SCMH1: variants seen among roughly 807,000 people sequenced by gnomAD.
SCMH1 encodes polycomb protein SCMH1.
Under a neutral mutation model 70.8 loss-of-function variants are expected in SCMH1, and 37 were observed. The ratio of observed to expected loss-of-function variants is 0.52; its 90% CI spans 0.40 to 0.69. The LOEUF is 0.69. SCMH1 is among the 30% of genes least tolerant of loss of function. SCMH1 has a pLI of 0.00. For synonymous variants in SCMH1, 292 were observed against 307.4 expected (o/e 0.95, Z 0.52); for missense variants, 607 against 827.3 (o/e 0.73, Z 3.27).
intron 1 of SCMH1, among the ~76,000 whole-genome samples, chr1:41,207,850 T>C (rs1210076169): frequency 1.5e-4 from 23 of 151,472 alleles, no homozygotes; most frequent in African/African-American, 4.4e-4. Flanking sequence ...AGTTCAACCA[T>C]TGTGGAAGTC....
intron 1 of SCMH1, among the ~76,000 whole-genome samples, chr1:41,219,932 C>CA (rs147480594): frequency 0.026 from 3,156 of 121,102 alleles, 70 homozygotes; most frequent in African/African-American, 0.068. Context: ...CTCCGTCTCA[C>CA]AAAAAAAAAA....
At chr1:41,232,699 T>C (rs1661544140) in intron 1 of SCMH1, among the ~76,000 whole-genome samples, 1 of 152,184 alleles carries the variant, frequency 6.6e-6, no homozygotes, top group Non-Finnish European at 1.5e-5. Flanking sequence ...AAATAACGTG[T>C]TTATACGTTT....
At chr1:41,052,156 T>C (rs1648409329) in intron 10 of SCMH1, among the ~76,000 whole-genome samples, 1 of 152,146 alleles carries the variant, frequency 6.6e-6, no homozygotes, top group South Asian at 2.1e-4. Context: ...GGCTATACCA[T>C]CTAGGTTTGA....
chr1:41,040,856 G>A (rs1408602036), intron 12 of SCMH1, among the ~76,000 whole-genome samples: 5 of 151,858 alleles, frequency 3.3e-5, no homozygotes, highest in Non-Finnish European at 7.4e-5. Context: ...GAGAGTGAAA[G>A]TCTGTCTCAA....
intron 8 of SCMH1, among the ~76,000 whole-genome samples, chr1:41,097,755 A>C (rs539351156): frequency 6.6e-6 from 1 of 152,364 alleles, no homozygotes; most frequent in East Asian, 1.9e-4. Context: ...AACTTATTCT[A>C]ACCCATCATT....
chr1:41,143,931 T>G (rs1644327635), intron 5 of SCMH1, among the ~76,000 whole-genome samples: 2 of 152,370 alleles, frequency 1.3e-5, no homozygotes, highest in South Asian at 4.1e-4. Flanking sequence ...CCTTTTATTG[T>G]TGAGTGGTAT....
intron 2 of SCMH1, among the ~76,000 whole-genome samples, chr1:41,170,590 C>T (rs1458165658): frequency 6.6e-6 from 1 of 152,178 alleles, no homozygotes; most frequent in Admixed American, 6.5e-5. Flanking sequence ...TTGCCACCAG[C>T]ATTCTTATTG....
intron 13 of SCMH1, among the ~76,000 whole-genome samples, chr1:41,029,275 C>T (rs921710208): frequency 1.3e-5 from 2 of 152,194 alleles, no homozygotes; most frequent in African/African-American, 4.8e-5. Flanking sequence ...TGCAGTGGCG[C>T]CATCTCAGCT....
chr1:41,078,935 ATATG>A (rs1277575074), intron 8 of SCMH1, among the ~76,000 whole-genome samples: 2 of 152,268 alleles, frequency 1.3e-5, no homozygotes, highest in African/African-American at 2.4e-5. Flanking sequence ...CGTTTATAAT[ATATG>A]TATTAATAAG....
At chr1:41,106,870 A>T (rs878885698) in intron 8 of SCMH1, among the ~76,000 whole-genome samples, 1 of 151,698 alleles carries the variant, frequency 6.6e-6, no homozygotes, top group Non-Finnish European at 1.5e-5. Context: ...TTGTATTTTT[A>T]GTAGAGACGG....
At chr1:41,213,738 C>A (rs1363086886) in intron 1 of SCMH1, among the ~76,000 whole-genome samples, 1 of 152,104 alleles carries the variant, frequency 6.6e-6, no homozygotes, top group Non-Finnish European at 1.5e-5. Flanking sequence ...GTTTTCATTT[C>A]TTTATGAAGC....
chr1:41,229,061 T>C (rs905127147), intron 1 of SCMH1, among the ~76,000 whole-genome samples: 1 of 152,156 alleles, frequency 6.6e-6, no homozygotes, highest in Non-Finnish European at 1.5e-5. Context: ...CCAGGCATGA[T>C]GGCACATGCC....
chr1:41,092,693 C>T (rs1375203411), intron 8 of SCMH1, among the ~76,000 whole-genome samples: 2 of 152,058 alleles, frequency 1.3e-5, no homozygotes, highest in Non-Finnish European at 2.9e-5. Flanking sequence ...TCAAATAACC[C>T]CATCAAAAAG....
chr1:41,222,159 G>C (rs1659427779), intron 1 of SCMH1, among the ~76,000 whole-genome samples: 1 of 151,706 alleles, frequency 6.6e-6, no homozygotes, highest in Admixed American at 6.6e-5. Flanking sequence ...TGAGGGAAGG[G>C]AAGGAAGGGA....
intron 12 of SCMH1, chr1:41,041,357 T>C (rs1031736392): frequency 1.3e-5 from 2 of 152,262 alleles, no homozygotes; most frequent in African/African-American, 2.4e-5. Flanking sequence ...GAAAAAGATA[T>C]TGTCTCTATC....
rs116707660 is a variant in SCMH1 at position 41,123,200 on chromosome 1, T to C, written c.413-6190A>G. On this transcript the variant is annotated intron_variant, in intron 6 of 14. Transcript: ENST00000337495. ...TTGTGACGCTGCATTCCAGCCTGAG[T>C]GACACAGCGAGACTCTGCCTCAATA... Among the ~76,000 whole-genome samples, 591 of 152,212 alleles carry C rather than the reference T, an allele frequency of 3.9e-3. 8 individuals are homozygous for C. The highest frequency in any genetic ancestry group is 0.014 in the African/African-American group (573 of 41,524).
In SCMH1 at chr1:41,233,729, G is replaced by A. The variant is rs551991969; in HGVS notation, c.-118+8330C>T. Among the ~76,000 whole-genome samples the A allele has an allele frequency of 4.9e-4, 74 of 152,146 alleles. 1 individual carries two copies. The highest frequency in any genetic ancestry group is 6.8e-3 in the Middle Eastern group (2 of 294). ...TTAGGATTCCCATTTCATGTCTTTA[G>A]GGCCTTTCACACTGCTGACTATTCC... On this transcript the variant is annotated intron_variant, in intron 1 of 14. Coordinates refer to ENST00000337495, the Ensembl canonical transcript of SCMH1.
At chr1:41,239,585 T>C (rs1282467895) in intron 1 of SCMH1, among the ~76,000 whole-genome samples, 5 of 152,224 alleles carry the variant, frequency 3.3e-5, no homozygotes, top group Admixed American at 1.3e-4. Flanking sequence ...GTACATAGCA[T>C]AGTGCTTGAC....
At chr1:41,153,898 G>C (rs1332468327) in intron 4 of SCMH1, among the ~76,000 whole-genome samples, 1 of 152,142 alleles carries the variant, frequency 6.6e-6, no homozygotes, top group African/African-American at 2.4e-5. Context: ...AAAGAAATAG[G>C]ACAGGCACCA....
Sources: allele counts gnomAD v4.1 joint callset (sites outside exome capture counted in the v4.1 genomes callset), GRCh38; gene constraint gnomAD v4.1.1; transcripts MANE v1.5; gene names NCBI Gene and HGNC (gene_info 2026-07-23, HGNC 2026-07-21).